The following TUSC3 variants were observed in gnomAD, a reference collection of about 807,000 sequenced individuals.
TUSC3 encodes tumor suppressor candidate 3, also known as dolichyl-diphosphooligosaccharide--protein glycosyltransferase subunit TUSC3.
A neutral mutation model predicts 44.8 loss-of-function variants in TUSC3; 45 were observed. The ratio of observed to expected loss-of-function variants is 1.00; its 90% CI spans 0.79 to 1.29. The LOEUF is 1.29. TUSC3 is among the 50% of genes most tolerant of loss of function. The pLI is 0.00. For missense variants in TUSC3, 519 were observed against 437.9 expected (o/e 1.19, Z -1.65); for synonymous variants, 212 against 152.9 (o/e 1.39, Z -2.85).
chr8:15,611,981 TAG>T lies in TUSC3; in HGVS notation c.139-11096_139-11095del, dbSNP rs374303481. The stretch of plus-strand genomic sequence containing the variant: ...GGTTTTCATTGAACTCCTTAAATAT[TAG>T]AGTCTTGAAAAGTAAAGGCTTCTTG... On this transcript the variant is annotated intron_variant, in intron 1 of 10. Coordinates refer to ENST00000503731, the MANE Select transcript of TUSC3 (RefSeq NM_006765.4). 5.9e-4 allele frequency among the ~76,000 whole-genome samples: 90 copies of T among 152,334 alleles called. 2 individuals carry two copies. Among genetic ancestry groups the T allele is most frequent in the Middle Eastern group, 3.4e-3 (1 of 294 alleles).
rs1245135430 is a variant in TUSC3, at chr8:15,699,586, A to G, written c.798+25750A>G. 7.9e-5 allele frequency among the ~76,000 whole-genome samples: 12 copies of G among 152,338 alleles called. 2 individuals are homozygous for G. In the South Asian group the frequency reaches 1.0e-3, roughly 13 times the overall value. ...ATTATATGCAGAAACTTATTTCCTT[A>G]TTAAATAATACTTGTATTTTCAAAT... On this transcript the variant is annotated intron_variant, in intron 6 of 10. Transcript: ENST00000503731.
At chr8:15,818,426 T>C in the TUSC3 span, among the ~76,000 whole-genome samples, 1 of 152,236 alleles carries the variant, frequency 6.6e-6, no homozygotes, top group African/African-American at 2.4e-5. Context: ...TCAAATGTAC[T>C]CTATTTTTAA....
At chr8:15,832,346 A>C in the TUSC3 span, among the ~76,000 whole-genome samples, 1 of 152,178 alleles carries the variant, frequency 6.6e-6, no homozygotes, top group Non-Finnish European at 1.5e-5. Flanking sequence ...AAGTACACAG[A>C]CCTGTGACAC....
At chr8:15,504,467 C>T (rs1325412306) in intron 2 of TUSC3, among the ~76,000 whole-genome samples, 2 of 150,816 alleles carry the variant, frequency 1.3e-5, no homozygotes, top group South Asian at 4.2e-4. Context: ...AACATCAGTT[C>T]ATTAAGAAAC....
intron 2 of TUSC3, among the ~76,000 whole-genome samples, chr8:15,520,525 A>G (rs1269706832): frequency 6.6e-6 from 1 of 152,190 alleles, no homozygotes; most frequent in East Asian, 1.9e-4. Context: ...ATGAAATCAA[A>G]AGAGTCCTAT....
intron 2 of TUSC3, among the ~76,000 whole-genome samples, chr8:15,502,410 A>G (rs538023916): frequency 6.6e-6 from 1 of 152,306 alleles, no homozygotes; most frequent in East Asian, 1.9e-4. Flanking sequence ...TGCAACCATC[A>G]GGACTAGATT....
intron 9 of TUSC3, among the ~76,000 whole-genome samples, chr8:15,754,205 T>A (rs2129221391): frequency 6.6e-6 from 1 of 152,198 alleles, no homozygotes; most frequent in East Asian, 1.9e-4. Flanking sequence ...CGAAGGTATT[T>A]CCTGGCCTTT....
chr8:15,596,623 A>G lies in TUSC3; in HGVS notation c.139-26457A>G, dbSNP rs1047666635. 1.7e-3 allele frequency among the ~76,000 whole-genome samples: 255 copies of G among 152,240 alleles called. 1 individual carries two copies. Among genetic ancestry groups the G allele is most frequent in the Non-Finnish European group, 1.3e-3 (88 of 68,016 alleles). On this transcript the variant is annotated intron_variant, in intron 1 of 10. Coordinates refer to ENST00000503731, the MANE Select transcript of TUSC3 (RefSeq NM_006765.4). ...TGTAACCTTAATTTTTAACACTATT[A>G]TTATGTTAATGTCTTCGTATATTAA...
chr8:15,529,169 T>C (rs1160495007), intron 2 of TUSC3, among the ~76,000 whole-genome samples: 1 of 152,218 alleles, frequency 6.6e-6, no homozygotes, highest in Non-Finnish European at 1.5e-5. Context: ...AGTTCTAAAA[T>C]GCAATCGCAC....
At chr8:15,845,238 A>C in the TUSC3 span, among the ~76,000 whole-genome samples, 1 of 152,110 alleles carries the variant, frequency 6.6e-6, no homozygotes, top group Non-Finnish European at 1.5e-5. Context: ...GTATTGCCTT[A>C]TGTTCTGCTC....
chr8:15,553,704 A>G (rs1802134573), intron 1 of TUSC3, among the ~76,000 whole-genome samples: 1 of 151,694 alleles, frequency 6.6e-6, no homozygotes, highest in South Asian at 2.1e-4. Context: ...GAGGAAGTGG[A>G]GGCAGCCAAC....
chr8:15,561,107 G>T (rs998874599), intron 1 of TUSC3, among the ~76,000 whole-genome samples: 87 of 105,082 alleles, frequency 8.3e-4, no homozygotes, highest in African/African-American at 2.7e-3. Context: ...CAGTTTTTCT[G>T]TTCTGTTTTT....
intron 1 of TUSC3, among the ~76,000 whole-genome samples, chr8:15,433,195 C>G (rs572606573): frequency 8.7e-4 from 132 of 152,130 alleles, no homozygotes; most frequent in African/African-American, 2.9e-3. Context: ...TAACTTCTTT[C>G]ATTCTGGAGA....
At chr8:15,794,346 C>T in the TUSC3 span, among the ~76,000 whole-genome samples, 1 of 152,180 alleles carries the variant, frequency 6.6e-6, no homozygotes, top group Non-Finnish European at 1.5e-5. Flanking sequence ...GACTGTTGGG[C>T]CTTCCATGTT....
chr8:15,850,792 G>A, the TUSC3 span, among the ~76,000 whole-genome samples: 1 of 152,030 alleles, frequency 6.6e-6, no homozygotes, highest in Non-Finnish European at 1.5e-5. Context: ...AAAAATGAGT[G>A]TGCTATATAT....
chr8:15,689,823 TGTGTGTGTGTGTG>T (rs1357851696), intron 6 of TUSC3, among the ~76,000 whole-genome samples: 30 of 17,898 alleles, frequency 1.7e-3, no homozygotes, highest in Non-Finnish European at 2.3e-3. Flanking sequence ...TAGTCCATGG[TGTGTGTGTGTGTG>T]TGTGTGTGTG....
the TUSC3 span, among the ~76,000 whole-genome samples, chr8:15,837,648 T>C: frequency 6.6e-6 from 1 of 152,188 alleles, no homozygotes; most frequent in African/African-American, 2.4e-5. Context: ...AATCTTTTTC[T>C]GTTGTCTTGT....
intron 9 of TUSC3, among the ~76,000 whole-genome samples, chr8:15,751,521 G>A (rs906335060): frequency 2.6e-5 from 4 of 152,242 alleles, no homozygotes; most frequent in Non-Finnish European, 4.4e-5. Context: ...AGGAGGAAGT[G>A]ATTGGCTAAG....
chr8:15,775,651 CACACACAT>C, the TUSC3 span, among the ~76,000 whole-genome samples: 1 of 144,864 alleles, frequency 6.9e-6, no homozygotes, highest in African/African-American at 2.5e-5. Flanking sequence ...TATATATATA[CACACACAT>C]ATACATATAT....
Sources: gnomAD v4.1 joint callset for allele counts (sites outside exome capture counted in the v4.1 genomes callset) on GRCh38, gnomAD v4.1.1 for gene constraint, MANE v1.5 for transcripts, NCBI Gene and HGNC (gene_info 2026-07-23, HGNC 2026-07-21) for gene names.